The following ERI3 variants were observed in gnomAD, a reference collection of about 807,000 sequenced individuals.
ERI3 encodes ERI1 exoribonuclease 3.
In ERI3, 18 loss-of-function variants were observed where a neutral mutation model predicts 44.4. That is an observed-to-expected ratio of 0.41 (90% confidence interval 0.28 to 0.60). The LOEUF (loss-of-function observed/expected upper bound fraction) is 0.60. ERI3 is among the 20% of genes least tolerant of loss of function. The pLI is 0.36. For missense variants in ERI3, 294 were observed against 435.5 expected (o/e 0.68, Z 2.89); for synonymous variants, 183 against 164.8 (o/e 1.11, Z -0.84).
intron 7 of ERI3, chr1:44,283,900 T>A (rs1264628395): frequency 2.4e-6 from 1 of 424,538 alleles, no homozygotes; most frequent in Non-Finnish European, 4.9e-6. Flanking sequence ...CTTCCTTGAA[T>A]GCCCAGGTCA....
At chr1:44,342,829 A>ATATAAG (rs1646690686) in intron 2 of ERI3, among the ~76,000 whole-genome samples, 2 of 19,394 alleles carry the variant, frequency 1.0e-4, no homozygotes, top group Non-Finnish European at 1.7e-4. Context: ...ATATATATAT[A>ATATAAG]TATATATATA....
intron 8 of ERI3, among the ~76,000 whole-genome samples, chr1:44,244,606 G>A (rs769322916): frequency 5.9e-5 from 9 of 152,042 alleles, no homozygotes; most frequent in Non-Finnish European, 7.4e-5. Context: ...TTCCAGGGCC[G>A]ATGCACTCTT....
chr1:44,333,044 G>A (rs1455886860), intron 3 of ERI3, among the ~76,000 whole-genome samples: 1 of 152,222 alleles, frequency 6.6e-6, no homozygotes, highest in Non-Finnish European at 1.5e-5. Context: ...TATTCCAGGA[G>A]TCGGGAGCCT....
intron 1 of ERI3, chr1:44,354,246 T>A: frequency 1.0e-6 from 1 of 985,428 alleles, no homozygotes. Flanking sequence ...CAAGAGTAAA[T>A]GCCATTGAAG....
rs576814463 is a variant in ERI3, at chr1:44,338,966, T to C, written c.489+79A>G. 1,366 of 1,524,878 alleles carry C rather than the reference T, an allele frequency of 9.0e-4. 2 individuals carry two copies. The highest frequency in any genetic ancestry group is 1.0e-3 in the Admixed American group (56 of 54,760). The allele number at this position is 1,524,878 out of a possible 1,614,324, so 94.5% of individuals were successfully genotyped here. A position where few individuals can be genotyped will look rare whatever the true frequency, so the allele number is the denominator to read the frequency against. On this transcript the variant is annotated intron_variant, in intron 3 of 8. Coordinates refer to ENST00000372257, the MANE Select transcript of ERI3 (RefSeq NM_024066.3). ...GACAGGAAGGCATGAGAAAGCTCCT[T>C]TGTGTCCCAGGAAGCAAAACTATCC...
chr1:44,342,832 TATATATATATATATATATATATATA>T (rs1557867636), intron 2 of ERI3, among the ~76,000 whole-genome samples: 36 of 24,240 alleles, frequency 1.5e-3, no homozygotes, highest in East Asian at 2.0e-3. Flanking sequence ...TATATATATA[TATATATATATATATATATATATATA>T]TTTTTTTTTT....
chr1:44,271,657 T>G (rs1488252435), intron 7 of ERI3, among the ~76,000 whole-genome samples: 1 of 152,214 alleles, frequency 6.6e-6, no homozygotes, highest in Non-Finnish European at 1.5e-5. Context: ...TTAATTCATA[T>G]AAAGCATTTA....
chr1:44,338,285 G>A (rs1646575968), intron 3 of ERI3, among the ~76,000 whole-genome samples: 1 of 152,232 alleles, frequency 6.6e-6, no homozygotes, highest in Admixed American at 6.5e-5. Flanking sequence ...GAATTTGAGA[G>A]TGGCTTAGCT....
intron 6 of ERI3, among the ~76,000 whole-genome samples, chr1:44,289,704 T>C (rs1232483417): frequency 6.6e-6 from 1 of 152,254 alleles, no homozygotes; most frequent in Non-Finnish European, 1.5e-5. Context: ...ACAGCCCTGA[T>C]GGCAAACAGG....
intron 1 of ERI3, chr1:44,354,659 T>C: frequency 1.0e-6 from 1 of 985,392 alleles, no homozygotes; most frequent in Non-Finnish European, 1.2e-6. Context: ...TCAAACCTTT[T>C]TCTTCTCTAG....
At chr1:44,223,787 C>T (rs1043347341) in intron 8 of ERI3, among the ~76,000 whole-genome samples, 3 of 152,172 alleles carry the variant, frequency 2.0e-5, no homozygotes, top group South Asian at 2.1e-4. Flanking sequence ...AGGGTCCCCA[C>T]GTCCCAGTCT....
chr1:44,309,038 A>G (rs1360765036), intron 5 of ERI3, among the ~76,000 whole-genome samples: 2 of 152,206 alleles, frequency 1.3e-5, no homozygotes, highest in African/African-American at 4.8e-5. Context: ...GAGGATTCAA[A>G]TTCAGCAGAA....
chr1:44,292,586 G>A (rs1645530097), intron 6 of ERI3, among the ~76,000 whole-genome samples: 1 of 152,156 alleles, frequency 6.6e-6, no homozygotes, highest in African/African-American at 2.4e-5. Context: ...TGGTGGGAGG[G>A]CAATGTCAAG....
intron 2 of ERI3, among the ~76,000 whole-genome samples, chr1:44,347,437 T>C (rs1646807022): frequency 6.6e-6 from 1 of 152,216 alleles, no homozygotes; most frequent in Non-Finnish European, 1.5e-5. Flanking sequence ...TAACCAATTC[T>C]TACTCAAGTA....
At chr1:44,345,835 A>C (rs931713383) in intron 2 of ERI3, among the ~76,000 whole-genome samples, 1 of 152,220 alleles carries the variant, frequency 6.6e-6, no homozygotes, top group Non-Finnish European at 1.5e-5. Flanking sequence ...GAGATTAGAA[A>C]GAGAAAAGGA....
At chr1:44,290,329 G>A (rs1645479578) in intron 6 of ERI3, among the ~76,000 whole-genome samples, 1 of 152,212 alleles carries the variant, frequency 6.6e-6, no homozygotes, top group Non-Finnish European at 1.5e-5. Context: ...CCCAGGCTTG[G>A]AGAGAAGTGG....
intron 4 of ERI3, among the ~76,000 whole-genome samples, chr1:44,313,788 C>T (rs1011294088): frequency 1.3e-5 from 2 of 152,076 alleles, no homozygotes; most frequent in African/African-American, 4.8e-5. Flanking sequence ...ATCCTTCACC[C>T]TGCATACGTG....
intron 8 of ERI3, among the ~76,000 whole-genome samples, chr1:44,238,748 TCC>T (rs1472233429): frequency 6.7e-6 from 1 of 149,582 alleles, no homozygotes; most frequent in African/African-American, 2.5e-5. Flanking sequence ...TCACATAGCC[TCC>T]CCCCACAGAG....
chr1:44,306,361 A>G (rs1224464108), intron 6 of ERI3, among the ~76,000 whole-genome samples: 3 of 152,204 alleles, frequency 2.0e-5, no homozygotes, highest in African/African-American at 7.2e-5. Context: ...TTTCATCTAT[A>G]AAAGAAAGAC....
Sources: allele counts gnomAD v4.1 joint callset (sites outside exome capture counted in the v4.1 genomes callset), GRCh38; gene constraint gnomAD v4.1.1; transcripts MANE v1.5; gene names NCBI Gene and HGNC (gene_info 2026-07-23, HGNC 2026-07-21).